NWD1: variants seen among roughly 807,000 people sequenced by gnomAD.
The protein encoded by NWD1 is NACHT domain- and WD repeat-containing protein 1.
A neutral mutation model predicts 135.1 loss-of-function variants in NWD1; 129 were observed. The observed-to-expected ratio is 0.96, with a 90% confidence interval of 0.83 to 1.11. NWD1 has a LOEUF of 1.11. Ranked by LOEUF, NWD1 falls within the 50% of genes least tolerant of loss-of-function variation. The pLI is 0.00. For missense variants in NWD1, 1,740 were observed against 1,851.3 expected (o/e 0.94, Z 1.10); for synonymous variants, 773 against 786.0 (o/e 0.98, Z 0.28).
At chr19:16,788,155 G>A (rs957919670) in intron 12 of NWD1, among the ~76,000 whole-genome samples, 10 of 146,812 alleles carry the variant, frequency 6.8e-5, no homozygotes, top group African/African-American at 2.2e-4. Flanking sequence ...GCTTGAACCC[G>A]GGAAGTGAAG....
chr19:16,731,873 A>G (rs1189253297), intron 3 of NWD1, among the ~76,000 whole-genome samples: 2 of 152,004 alleles, frequency 1.3e-5, no homozygotes, highest in African/African-American at 4.8e-5. Context: ...TAGATTCTGT[A>G]GTTGGTCCTG....
chr19:16,732,729 G>A (rs1176155755), intron 3 of NWD1, among the ~76,000 whole-genome samples: 2 of 149,074 alleles, frequency 1.3e-5, no homozygotes, highest in Admixed American at 6.7e-5. Context: ...TGAGCTTCTG[G>A]GCTCAAGGGA....
At chr19:16,812,665 A>AT (rs1472184812) in intron 18 of NWD1, 2 of 768,954 alleles carry the variant, frequency 2.6e-6, no homozygotes, top group Non-Finnish European at 4.9e-6. Context: ...GTGAAACTCC[A>AT]TCTCAAAAAC....
chr19:16,769,757 C>A (rs1429801186), intron 10 of NWD1, among the ~76,000 whole-genome samples: 1 of 152,212 alleles, frequency 6.6e-6, no homozygotes, highest in African/African-American at 2.4e-5. Context: ...ACCACTGAAG[C>A]TTAACTTCTC....
intron 14 of NWD1, among the ~76,000 whole-genome samples, chr19:16,792,678 A>G (rs1187489733): frequency 1.4e-5 from 2 of 145,210 alleles, no homozygotes; most frequent in Non-Finnish European, 3.0e-5. Flanking sequence ...GCAAAACTCC[A>G]TCTCAGAACA....
At chr19:16,814,528 A>G (rs1971012862) in intron 18 of NWD1, among the ~76,000 whole-genome samples, 2 of 152,358 alleles carry the variant, frequency 1.3e-5, no homozygotes, top group Admixed American at 6.5e-5. Flanking sequence ...GGCTGAATAA[A>G]TATCAGGTGG....
intron 6 of NWD1, among the ~76,000 whole-genome samples, chr19:16,754,628 TTCCA>T (rs761156096): frequency 6.0e-5 from 9 of 149,952 alleles, no homozygotes; most frequent in African/African-American, 1.5e-4. Context: ...CATCTCTATC[TTCCA>T]TCCATCCATC....
At chr19:16,758,051 CA>C (rs35974335) in intron 6 of NWD1, among the ~76,000 whole-genome samples, 6,473 of 133,886 alleles carry the variant, frequency 0.048, 454 homozygotes, top group African/African-American at 0.16. Context: ...GACTCTGTCT[CA>C]AAAAAAAAAA....
chr19:16,760,077 CCCAGGAG>C (rs1334581343), intron 7 of NWD1, among the ~76,000 whole-genome samples: 7 of 151,750 alleles, frequency 4.6e-5, no homozygotes, highest in Admixed American at 2.0e-4. Flanking sequence ...ATCACTTGAG[CCCAGGAG>C]TTTGAGGCCA....
intron 1 of NWD1, among the ~76,000 whole-genome samples, 166 bp downstream of exon 1, chr19:16,720,459 G>A (rs756432984): frequency 2.0e-5 from 3 of 152,118 alleles, no homozygotes; most frequent in Non-Finnish European, 2.9e-5. Context: ...AGTACAGGAC[G>A]TGCAAAGGCC....
chr19:16,783,480 C>T (rs1969931252), intron 12 of NWD1, among the ~76,000 whole-genome samples: 3 of 151,730 alleles, frequency 2.0e-5, no homozygotes, highest in Admixed American at 1.3e-4. Context: ...ACTAAAAATA[C>T]AAAATTAGCC....
intron 7 of NWD1, among the ~76,000 whole-genome samples, chr19:16,759,805 C>T (rs914558274): frequency 4.0e-5 from 6 of 151,422 alleles, no homozygotes; most frequent in Non-Finnish European, 4.4e-5. Flanking sequence ...ACCAGTCTGA[C>T]CAACATGGTG....
At chr19:16,753,457 A>G (rs1239512179) in intron 6 of NWD1, among the ~76,000 whole-genome samples, 5 of 152,188 alleles carry the variant, frequency 3.3e-5, no homozygotes, top group Admixed American at 6.5e-5. Context: ...TGTTATGCTT[A>G]CACATCAGAT....
At chr19:16,724,931 TGGTCCACCCA>T (rs1760345783) in intron 2 of NWD1, among the ~76,000 whole-genome samples, 1 of 152,032 alleles carries the variant, frequency 6.6e-6, no homozygotes, top group African/African-American at 2.4e-5. Flanking sequence ...TGACCTCAGG[TGGTCCACCCA>T]CCTCGACCTC....
intron 12 of NWD1, among the ~76,000 whole-genome samples, chr19:16,783,870 G>A (rs1013665263): frequency 3.3e-5 from 5 of 152,038 alleles, no homozygotes; most frequent in African/African-American, 9.6e-5. Flanking sequence ...TATTTACATA[G>A]CACGTATGCC....
chr19:16,778,362 AT>A (rs1287581210), intron 11 of NWD1, among the ~76,000 whole-genome samples: 1 of 151,832 alleles, frequency 6.6e-6, no homozygotes, highest in Non-Finnish European at 1.5e-5. Context: ...GCAAATATAT[AT>A]TTTTTTTCTT....
intron 5 of NWD1, among the ~76,000 whole-genome samples, chr19:16,747,039 C>CTT (rs202225653): frequency 1.5e-3 from 201 of 137,980 alleles, no homozygotes; most frequent in Middle Eastern, 7.7e-3. Context: ...CTTTTTCTTT[C>CTT]TTTTTTTTTT....
chr19:16,750,469 T>G, intron 6 of NWD1, 58 bp downstream of exon 6: 1 of 1,335,456 alleles, frequency 7.5e-7, no homozygotes, highest in Non-Finnish European at 9.9e-7. Flanking sequence ...TTTTTTATTT[T>G]TAGAGATGGA....
intron 12 of NWD1, among the ~76,000 whole-genome samples, chr19:16,784,216 A>G (rs1371692135): frequency 6.6e-6 from 1 of 151,740 alleles, no homozygotes; most frequent in Non-Finnish European, 1.5e-5. Flanking sequence ...AAGAAAAAAA[A>G]AAAAAGAAAA....
Sources: allele counts gnomAD v4.1 joint callset (sites outside exome capture counted in the v4.1 genomes callset), GRCh38; gene constraint gnomAD v4.1.1; transcripts MANE v1.5; gene names NCBI Gene and HGNC (gene_info 2026-07-23, HGNC 2026-07-21).